Variants in NBPF8 observed in about 807,000 individuals in gnomAD.
NBPF8 encodes the protein NBPF family member NBPF8.
Position 120,466,003 on chromosome 1 carries a change from G to A in NBPF8, n.3594G>A, listed in dbSNP as rs1263384249. 122 of 1,611,846 alleles carry A rather than the reference G, an allele frequency of 7.6e-5. No homozygotes were observed. The African/African-American group carries it at 1.5e-3, about 20-fold the overall frequency. On this transcript the variant is annotated non_coding_transcript_exon_variant, in exon 25 of 25. Transcript: ENST00000583271. ...GCTCAACAGCGTGCTGATGGAAGTG[G>A]AAGAGCCTGAAGTCTTACAGGACTC...
At chr1:120,415,035 G>C (rs1390273860), upstream of NBPF8, among the ~76,000 whole-genome samples, 4 of 152,272 alleles carry the variant, frequency 2.6e-5, no homozygotes, top group South Asian at 2.1e-4. Flanking sequence ...CTGACGCGCC[G>C]AGCGGGACCC....
upstream of NBPF8, chr1:120,434,066 C>T: frequency 6.5e-6 from 1 of 154,412 alleles, no homozygotes; most frequent in Non-Finnish European, 1.5e-5. Flanking sequence ...AGGTGTCCAC[C>T]TGGCCGTTGC....
intron 22 of NBPF8, among the ~76,000 whole-genome samples, chr1:120,463,955 A>G (rs1176628571): frequency 3.1e-5 from 1 of 32,428 alleles, no homozygotes; most frequent in African/African-American, 2.9e-4. Flanking sequence ...CAAAAACTGT[A>G]TTCTCATGGC....
intron 14 of NBPF8, among the ~76,000 whole-genome samples, 156 bp downstream of exon 12, chr1:120,453,600 C>T (rs1412703009): frequency 6.6e-6 from 1 of 151,070 alleles, no homozygotes; most frequent in East Asian, 1.9e-4. Context: ...GGTGCGGTAG[C>T]TGTCATGTTT....
intron 1 of NBPF8, among the ~76,000 whole-genome samples, chr1:120,421,064 C>T (rs1660560463): frequency 6.7e-6 from 1 of 149,784 alleles, no homozygotes; most frequent in East Asian, 2.0e-4. Flanking sequence ...GGACAAGGAG[C>T]AGCAGGGAAG....
chr1:120,452,499 TG>T (rs1262082716), intron 13 of NBPF8, among the ~76,000 whole-genome samples, 168 bp downstream of exon 11: 3 of 151,834 alleles, frequency 2.0e-5, no homozygotes, highest in East Asian at 3.9e-4. Context: ...GGGAAACCCA[TG>T]GGGTTGGAGG....
chr1:120,460,378 G>T (rs1661546220), intron 17 of NBPF8, among the ~76,000 whole-genome samples, 195 bp from the exon 16 acceptor site: 1 of 152,114 alleles, frequency 6.6e-6, no homozygotes, highest in East Asian at 1.9e-4. Flanking sequence ...GGGGAATTTT[G>T]CCCAAGGCTC....
intron 23 of NBPF8, among the ~76,000 whole-genome samples, chr1:120,464,772 G>A (rs1280869791): frequency 1.0e-4 from 15 of 146,998 alleles, no homozygotes; most frequent in South Asian, 4.5e-4. Flanking sequence ...TACCTGTGGC[G>A]CCCTGATCCT....
At chr1:120,466,170 G>A (rs1431208052) in exon 25 of NBPF8, 31 of 1,609,592 alleles carry the variant, frequency 1.9e-5, no homozygotes, top group East Asian at 6.7e-5. Context: ...TTACTTTGAC[G>A]GTGACAAGTC....
At chr1:120,415,238 G>A (rs1373437393), upstream of NBPF8, among the ~76,000 whole-genome samples, 2 of 152,218 alleles carry the variant, frequency 1.3e-5, no homozygotes, top group African/African-American at 4.8e-5. Flanking sequence ...TGGATGGGAA[G>A]TTACGGTTTA....
intron 18 of NBPF8, among the ~76,000 whole-genome samples, chr1:120,460,949 G>A (rs1313136866): frequency 1.3e-5 from 2 of 151,446 alleles, no homozygotes; most frequent in African/African-American, 4.9e-5. Context: ...TGTCCTGAGA[G>A]CACAAATACA....
downstream of NBPF8, chr1:120,467,782 T>A (rs1259794741): frequency 1.2e-4 from 19 of 152,212 alleles, no homozygotes; most frequent in Non-Finnish European, 1.9e-4. Flanking sequence ...TGTTATAATA[T>A]TTGATTATGC....
chr1:120,466,037 G>A, exon 25 of NBPF8: 1 of 1,611,984 alleles, frequency 6.2e-7, no homozygotes, highest in Non-Finnish European at 8.5e-7. Context: ...TCACTGGATA[G>A]ATGTTATTCG....
chr1:120,460,846 A>C (rs1661564777), intron 18 of NBPF8, among the ~76,000 whole-genome samples: 3 of 151,898 alleles, frequency 2.0e-5, no homozygotes, highest in African/African-American at 7.3e-5. Flanking sequence ...CCATACCTCA[A>C]AAGCTGTATT....
rs1178373747 is a variant in NBPF8, at chr1:120,421,506, C to CCCTT, written n.269+1404_269+1407dup. ...TCTCTCCCTGCCTTCCTCCCTCCCT[C>CCCTT]CCTTCCTTCCTTCCTTCCTCCCTTC... On this transcript the variant is annotated intron_variant and non_coding_transcript_variant, in intron 1 of 28. Coordinates refer to the NBPF8 transcript ENST00000652355. 1.9e-3 allele frequency among the ~76,000 whole-genome samples: 288 copies of CCCTT among 149,724 alleles called. 1 individual carries two copies. The highest frequency in any genetic ancestry group is 0.017 in the Middle Eastern group (5 of 288).
chr1:120,467,686 A>C (rs1406211175), exon 25 of NBPF8: 3 of 150,596 alleles, frequency 2.0e-5, no homozygotes, highest in African/African-American at 7.3e-5. Flanking sequence ...CCTGAGTTTT[A>C]ATTTTTGTCC....
chr1:120,422,483 C>T lies in NBPF8; in HGVS notation n.269+2365C>T, dbSNP rs1258843650. The stretch of plus-strand genomic sequence containing the variant: ...CAAGAATGTCCTAGAGTTGGAATTA[C>T]AGTATGTAGGTTTCCAGACTGGCTT... On this transcript the variant is annotated intron_variant and non_coding_transcript_variant, in intron 1 of 28. Transcript: ENST00000652355. 8.9e-4 allele frequency among the ~76,000 whole-genome samples: 104 copies of T among 116,668 alleles called. 6 individuals carry two copies. The highest frequency in any genetic ancestry group is 7.9e-3 in the Admixed American group (104 of 13,104). 76.5% of individuals were successfully genotyped at this position (116,668 alleles called of 152,430 possible).
At chr1:120,422,176 C>A (rs1448971531) in intron 1 of NBPF8, among the ~76,000 whole-genome samples, 1 of 152,186 alleles carries the variant, frequency 6.6e-6, no homozygotes, top group Admixed American at 6.5e-5. Context: ...ACAGTTTCCC[C>A]TATTAGTATG....
chr1:120,459,607 C>G lies in NBPF8; in HGVS notation n.2784+77C>G. On this transcript the variant is annotated intron_variant and non_coding_transcript_variant, in intron 17 of 24. Transcript: ENST00000583271. ...ACCCCATAATCTTTGGGCCTTGTGCCGCTTGTTGGGCTGAGATTTGCCATC... is the reference window on the plus strand; with the variant it reads ...ACCCCATAATCTTTGGGCCTTGTGCGGCTTGTTGGGCTGAGATTTGCCATC... 2 of 1,373,182 alleles carry G rather than the reference C, an allele frequency of 1.5e-6. 1 individual carries two copies. 85.1% of individuals were successfully genotyped at this position (1,373,182 alleles called of 1,614,324 possible).
Sources: allele counts gnomAD v4.1 joint callset (sites outside exome capture counted in the v4.1 genomes callset), GRCh38; gene constraint gnomAD v4.1.1; transcripts MANE v1.5; gene names NCBI Gene and HGNC (gene_info 2026-07-23, HGNC 2026-07-21).